Variants in RPTOR observed in about 807,000 individuals in gnomAD.
RPTOR encodes regulatory-associated protein of mTOR.
RPTOR carries 21 observed loss-of-function variants against 169.9 expected under a neutral mutation model. That is an observed-to-expected ratio of 0.12 (90% CI 0.09 to 0.18). The LOEUF (loss-of-function observed/expected upper bound fraction) is 0.18, where lower values mean the gene tolerates loss of function less well. Among genes scored for constraint, RPTOR ranks in the 10% least tolerant of loss-of-function variants. The probability of loss-of-function intolerance (pLI) is 1.00; values close to 1 mark genes in which losing one functional copy is unlikely to be tolerated. For synonymous variants in RPTOR, 732 were observed against 753.2 expected (o/e 0.97, Z 0.46); for missense variants, 1,133 against 1,855.9 (o/e 0.61, Z 7.16).
rs1422385792 is a variant in RPTOR at position 80,646,579 on chromosome 17, CTG to C, written c.348+2771_348+2772del. 6.6e-6 allele frequency among the ~76,000 whole-genome samples: 1 copy of C among 152,184 alleles called. No individual in the cohort carries two copies. Among genetic ancestry groups the C allele is most frequent in the African/African-American group, 2.4e-5 (1 of 41,436 alleles). ...TGTGTGCAAGGGGCCTGGTTCCTGACTGTAAATCAGGGTCCTTTGAAACATTG... is the reference window on the plus strand; with the variant it reads ...TGTGTGCAAGGGGCCTGGTTCCTGACTAAATCAGGGTCCTTTGAAACATTG... On this transcript the variant is annotated intron_variant, in intron 3 of 33. Transcript: ENST00000306801. The surrounding 1 kb of genome is among the most constrained non-coding windows in gnomAD (Gnocchi z 5.0).
rs575844432 is a variant in RPTOR, at chr17:80,609,659, C to T, written c.163-16032C>T. On this transcript the variant is annotated intron_variant, in intron 1 of 33. Coordinates refer to ENST00000306801, the MANE Select transcript of RPTOR (RefSeq NM_020761.3). The surrounding 1 kb of genome is among the most constrained non-coding windows in gnomAD (Gnocchi z 4.8). ...ACTCAGGAGGCTGAGGCATGAGAATCGCTTGAACCCAGGAGGTGGAGGTTG... is the reference window on the plus strand; with the variant it reads ...ACTCAGGAGGCTGAGGCATGAGAATTGCTTGAACCCAGGAGGTGGAGGTTG... 9.8e-4 allele frequency among the ~76,000 whole-genome samples: 149 copies of T among 152,070 alleles called. 3 individuals are homozygous for T. The South Asian group carries it at 0.028, about 29-fold the overall frequency.
At chr17:80,632,865 C>T (rs1299505918) in intron 2 of RPTOR, among the ~76,000 whole-genome samples, 6 of 152,216 alleles carry the variant, frequency 3.9e-5, no homozygotes, top group Admixed American at 2.6e-4. Context: ...AGTGCAGTGG[C>T]GTGATCATAG....
chr17:80,740,238 A>T (rs2066470355), intron 5 of RPTOR, among the ~76,000 whole-genome samples: 1 of 152,248 alleles, frequency 6.6e-6, no homozygotes, highest in Admixed American at 6.5e-5. Context: ...TAATCTGAAT[A>T]GTCATAGAAT....
chr17:80,630,299 A>T (rs1409478054), intron 2 of RPTOR, among the ~76,000 whole-genome samples: 1 of 152,208 alleles, frequency 6.6e-6, no homozygotes, highest in Non-Finnish European at 1.5e-5. Flanking sequence ...TAAGTTGCAT[A>T]GTCTATAGTT....
chr17:80,812,966 C>A (rs2067288104), intron 7 of RPTOR, among the ~76,000 whole-genome samples: 2 of 152,242 alleles, frequency 1.3e-5, no homozygotes, highest in South Asian at 4.1e-4. Context: ...CTTCCATGTC[C>A]AGCTGGGACT....
At chr17:80,781,572 G>C (rs547836374) in intron 6 of RPTOR, among the ~76,000 whole-genome samples, 2 of 152,188 alleles carry the variant, frequency 1.3e-5, no homozygotes, top group African/African-American at 4.8e-5. Flanking sequence ...ATTTTGCCAC[G>C]CTGTCTCGCG....
chr17:80,626,810 A>G (rs1018144637), intron 2 of RPTOR, among the ~76,000 whole-genome samples: 4 of 128,572 alleles, frequency 3.1e-5, no homozygotes, highest in Non-Finnish European at 6.7e-5. Flanking sequence ...TATTATTATT[A>G]TTTTTCATTC....
At position 80,940,576 on chromosome 17, in the gene RPTOR, G is replaced by A. The variant is rs1375911190; in HGVS notation, c.3000G>A (p.Arg1000=). Residue 1000 remains arginine, a synonymous_variant, in exon 25 of 34, where the codon AGG becomes AGA. Coordinates refer to ENST00000306801, the MANE Select transcript of RPTOR (RefSeq NM_020761.3). The stretch of plus-strand genomic sequence containing the variant: ...TCCTGCGAAACAGCCGTGTCAGGAG[G>A]CAGGCCCAGCAAGTCATTCAGAAGG... ...WRFLRNSRVR[R]QAQQVIQKGI... The A allele has an allele frequency of 3.1e-6, 5 of 1,612,076 alleles. No homozygotes were observed. Among genetic ancestry groups the A allele is most frequent in the Admixed American group, 3.3e-5 (2 of 59,876 alleles).
intron 2 of RPTOR, among the ~76,000 whole-genome samples, chr17:80,627,825 C>T (rs973530391): frequency 1.1e-4 from 16 of 150,464 alleles, no homozygotes; most frequent in African/African-American, 3.2e-4. Flanking sequence ...ATATGTTAAG[C>T]GTATGTTTAA....
At position 80,884,999 on chromosome 17, in the gene RPTOR, G is replaced by A. The variant is rs533515665; in HGVS notation, c.1843-9G>A. 6.2e-5 allele frequency: 99 copies of A among 1,606,168 alleles called. No individual in the cohort carries two copies. The highest frequency in any genetic ancestry group is 2.2e-4 in the Admixed American group (13 of 59,088). On this transcript the variant is annotated splice_polypyrimidine_tract_variant and intron_variant, in intron 16 of 33. Transcript: ENST00000306801. ...TGGGACATGCCTGTGACCCCCCGCC[G>A]CCTTGCAGGTCCGCTGCGCAGCGGT...
At chr17:80,627,964 G>A (rs1041040242) in intron 2 of RPTOR, among the ~76,000 whole-genome samples, 5 of 151,254 alleles carry the variant, frequency 3.3e-5, no homozygotes, top group African/African-American at 1.2e-4. Flanking sequence ...TCAGCCTCCC[G>A]AGTAGCTGGG....
intron 5 of RPTOR, among the ~76,000 whole-genome samples, chr17:80,737,356 C>T (rs145177509): frequency 9.5e-4 from 145 of 152,286 alleles, no homozygotes; most frequent in African/African-American, 3.4e-3. Flanking sequence ...TAAATGACTA[C>T]ACCAGCTGCC....
intron 28 of RPTOR, among the ~76,000 whole-genome samples, chr17:80,953,714 C>T (rs1224713005): frequency 6.6e-6 from 1 of 152,274 alleles, no homozygotes; most frequent in Non-Finnish European, 1.5e-5. Context: ...TAGGTAACAG[C>T]ATATCCTGAG....
chr17:80,738,034 T>G (rs1284818824), intron 5 of RPTOR, among the ~76,000 whole-genome samples: 2 of 152,102 alleles, frequency 1.3e-5, no homozygotes, highest in East Asian at 3.8e-4. Context: ...GGGGCAGGGC[T>G]GGCCCTTGGA....
intron 1 of RPTOR, among the ~76,000 whole-genome samples, chr17:80,558,857 C>T (rs943591623): frequency 2.0e-5 from 3 of 152,170 alleles, no homozygotes; most frequent in Admixed American, 6.5e-5. Flanking sequence ...ATTTGGTGGT[C>T]GTGTCTGTGT....
At position 80,861,786 on chromosome 17, in the gene RPTOR, G is replaced by A. The variant is rs188653069; in HGVS notation, c.1509+3886G>A. Among the ~76,000 whole-genome samples, 497 of 152,276 alleles carry A rather than the reference G, an allele frequency of 3.3e-3. 2 individuals carry two copies. Among genetic ancestry groups the A allele is most frequent in the African/African-American group, 0.011 (471 of 41,544 alleles). ...AAGCCAACTTTGATTCTCAGACTTC[G>A]TGTTTTTAGTACCTTTTAGGACCTG... On this transcript the variant is annotated intron_variant, in intron 13 of 33. Coordinates refer to ENST00000306801, the MANE Select transcript of RPTOR (RefSeq NM_020761.3). This position sits in a 1 kb window ranked among gnomAD's most constrained non-coding sequence, Gnocchi z 4.5.
intron 5 of RPTOR, among the ~76,000 whole-genome samples, chr17:80,753,772 GAC>G (rs2066653475): frequency 6.6e-6 from 1 of 151,994 alleles, no homozygotes; most frequent in African/African-American, 2.4e-5. Flanking sequence ...AGTTGACAGA[GAC>G]ACAACCAGGC....
At chr17:80,921,695 A>G (rs1294408055) in intron 21 of RPTOR, among the ~76,000 whole-genome samples, 2 of 152,214 alleles carry the variant, frequency 1.3e-5, no homozygotes, top group African/African-American at 4.8e-5. Flanking sequence ...GGAGGCTCTC[A>G]GAGCCCAGGG....
intron 7 of RPTOR, among the ~76,000 whole-genome samples, chr17:80,814,340 C>T (rs1378809517): frequency 1.3e-5 from 2 of 152,102 alleles, no homozygotes; most frequent in South Asian, 2.1e-4. Context: ...GCCGGGATAA[C>T]CATTATTAAC....
Sources: gnomAD v4.1 joint callset for allele counts (sites outside exome capture counted in the v4.1 genomes callset) on GRCh38, gnomAD v4.1.1 for gene constraint, Gnocchi (gnomAD v3.1) non-coding constraint, MANE v1.5 for transcripts, NCBI Gene and HGNC (gene_info 2026-07-23, HGNC 2026-07-21) for gene names.